Variants in NIPBL observed in about 807,000 individuals in gnomAD.
NIPBL encodes nipped-B-like protein.
In NIPBL, 19 loss-of-function variants were observed where a neutral mutation model predicts 321.8. The observed-to-expected ratio is 0.06, with a 90% CI of 0.04 to 0.09. NIPBL has a LOEUF of 0.09. Among genes scored for constraint, NIPBL ranks in the 10% least tolerant of loss-of-function variants. The pLI, the probability that NIPBL is intolerant of heterozygous loss-of-function variation, is 1.00. For missense variants in NIPBL, 2,210 were observed against 3,327.0 expected (o/e 0.66, Z 8.26); for synonymous variants, 1,106 against 1,114.1 (o/e 0.99, Z 0.14).
At chr5:36,905,856 G>T (rs958140425) in intron 1 of NIPBL, among the ~76,000 whole-genome samples, 3 of 151,808 alleles carry the variant, frequency 2.0e-5, no homozygotes, top group Non-Finnish European at 2.9e-5. Context: ...CCATTCTCCT[G>T]CCTCAGCCTC....
intron 6 of NIPBL, among the ~76,000 whole-genome samples, chr5:36,966,596 A>G (rs1482295320): frequency 1.3e-5 from 2 of 152,108 alleles, no homozygotes; most frequent in Non-Finnish European, 2.9e-5. Context: ...TCATGTAAAT[A>G]TACAATTTCC....
rs759493868 is a variant in NIPBL, at chr5:37,014,658, A to G, written c.4561-25A>G. 14 of 1,415,346 alleles carry G rather than the reference A, an allele frequency of 9.9e-6. 1 individual carries two copies. The South Asian group carries it at 1.6e-4, about 16-fold the overall frequency. 87.7% of individuals were successfully genotyped at this position (1,415,346 alleles called of 1,614,324 possible). ...CTAACTTATTATTTCTTGTATCTTTATAAACTCACTTTTTTTCATTCTAGA... is the reference window on the plus strand; with the variant it reads ...CTAACTTATTATTTCTTGTATCTTTGTAAACTCACTTTTTTTCATTCTAGA... On this transcript the variant is annotated intron_variant, in intron 21 of 46. Transcript: ENST00000282516.
intron 16 of NIPBL, 57 bp from the exon 17 acceptor site, chr5:37,006,300 A>G (rs1045705440): frequency 1.8e-5 from 17 of 930,444 alleles, no homozygotes; most frequent in African/African-American, 9.9e-5. Context: ...ATTTTAATGT[A>G]TATTTTAAAC....
chr5:36,877,468 C>G (rs1223930462), intron 1 of NIPBL, among the ~76,000 whole-genome samples: 2 of 152,142 alleles, frequency 1.3e-5, no homozygotes, highest in African/African-American at 4.8e-5. Flanking sequence ...TACTTGAGCT[C>G]GGGGATTAGG....
Position 37,010,294 on chromosome 5 carries a change from C to CT in NIPBL, c.4560+71dup, listed in dbSNP as rs1747958771. ...GGAAATACCTATATTCTCTGTCATT[C>CT]TTATAAAACTGAAGTTCTTTTTTTT... On this transcript the variant is annotated intron_variant, in intron 21 of 46. Coordinates refer to ENST00000282516, the MANE Select transcript of NIPBL (RefSeq NM_133433.4). 14 of 1,270,784 alleles carry CT rather than the reference C, an allele frequency of 1.1e-5. No homozygotes were observed. The East Asian group carries it at 3.3e-4, about 30-fold the overall frequency. 78.7% of individuals were successfully genotyped at this position (1,270,784 alleles called of 1,614,324 possible).
chr5:36,962,005 T>G (rs1235105257), intron 5 of NIPBL, 118 bp from the exon 6 acceptor site: 26 of 1,126,916 alleles, frequency 2.3e-5, no homozygotes, highest in Middle Eastern at 2.7e-4. Flanking sequence ...TTCTTCTGTT[T>G]GCATAGATTT....
intron 8 of NIPBL, among the ~76,000 whole-genome samples, chr5:36,973,380 G>T (rs1028743444): frequency 2.6e-5 from 4 of 151,204 alleles, no homozygotes; most frequent in Non-Finnish European, 5.9e-5. Flanking sequence ...TAAGTTCTGG[G>T]ATACATGTGC....
chr5:36,914,144 A>G lies in NIPBL; in HGVS notation c.-80+36966A>G, dbSNP rs182902315. ...CTGTTGGCCGTTAAATATTTCAGCCATGAAATGACACCCAGGTCATTCAGG... is the reference window on the plus strand; with the variant it reads ...CTGTTGGCCGTTAAATATTTCAGCCGTGAAATGACACCCAGGTCATTCAGG... On this transcript the variant is annotated intron_variant, in intron 1 of 46. Transcript: ENST00000282516. 5.9e-5 allele frequency among the ~76,000 whole-genome samples: 9 copies of G among 152,370 alleles called. No homozygotes were observed. The East Asian group carries it at 1.5e-3, about 26-fold the overall frequency.
chr5:36,963,932 A>G (rs1431072066), intron 6 of NIPBL, among the ~76,000 whole-genome samples: 1 of 152,234 alleles, frequency 6.6e-6, no homozygotes, highest in Non-Finnish European at 1.5e-5. Flanking sequence ...TTTTACATGT[A>G]ATGGAGGAAA....
chr5:36,892,950 AAGT>A (rs1209496786), intron 1 of NIPBL, among the ~76,000 whole-genome samples: 1 of 152,232 alleles, frequency 6.6e-6, no homozygotes, highest in African/African-American at 2.4e-5. Context: ...AATAATAAAA[AAGT>A]AGCATGGTGG....
chr5:37,017,972 TTGAAG>T (rs1051743243), intron 24 of NIPBL, among the ~76,000 whole-genome samples: 2 of 152,156 alleles, frequency 1.3e-5, no homozygotes, highest in African/African-American at 4.8e-5. Context: ...TTCGAACCAC[TTGAAG>T]TTAAGTTGCA....
intron 1 of NIPBL, among the ~76,000 whole-genome samples, chr5:36,929,251 ATGATACTGAGCACTTT>A (rs1321712958): frequency 6.6e-6 from 1 of 152,142 alleles, no homozygotes; most frequent in African/African-American, 2.4e-5. Flanking sequence ...CTAATGACTA[ATGATACTGAGCACTTT>A]TTTTTATATG....
intron 1 of NIPBL, among the ~76,000 whole-genome samples, chr5:36,905,976 C>G (rs1394431302): frequency 6.6e-6 from 1 of 152,088 alleles, no homozygotes; most frequent in Non-Finnish European, 1.5e-5. Flanking sequence ...GATCTCCTGA[C>G]CTCGTGATCC....
intron 32 of NIPBL, among the ~76,000 whole-genome samples, chr5:37,035,554 T>A (rs1221372885): frequency 6.6e-6 from 1 of 152,210 alleles, no homozygotes; most frequent in Non-Finnish European, 1.5e-5. Flanking sequence ...TAACTTAATT[T>A]CAATTTTTAT....
chr5:36,935,079 T>C (rs1750058975), intron 1 of NIPBL, among the ~76,000 whole-genome samples: 4 of 152,164 alleles, frequency 2.6e-5, no homozygotes, highest in Admixed American at 6.6e-5. Flanking sequence ...CCTTCGCTCC[T>C]CTCTGTTTTG....
At chr5:37,021,462 T>A (rs1302813239) in intron 27 of NIPBL, among the ~76,000 whole-genome samples, 1 of 151,972 alleles carries the variant, frequency 6.6e-6, no homozygotes, top group African/African-American at 2.4e-5. Flanking sequence ...GCGGGCAGAT[T>A]ACGAGGTCAG....
At chr5:36,877,380 G>A (rs1745167456) in intron 1 of NIPBL, among the ~76,000 whole-genome samples, 1 of 152,198 alleles carries the variant, frequency 6.6e-6, no homozygotes, top group Non-Finnish European at 1.5e-5. Flanking sequence ...CGGCTCCGGT[G>A]GCGGGGACTG....
chr5:36,980,708 C>T (rs764732597), intron 9 of NIPBL, among the ~76,000 whole-genome samples: 45 of 151,686 alleles, frequency 3.0e-4, no homozygotes, highest in Admixed American at 2.2e-3. Context: ...ATGATGTTCA[C>T]GTAACAGAGA....
chr5:36,985,565 A>G lies in NIPBL; in HGVS notation c.2385A>G (p.Ser795=). The G allele has an allele frequency of 6.2e-7, 1 of 1,613,938 alleles. No homozygotes were observed. The highest frequency in any genetic ancestry group is 8.5e-7 in the Non-Finnish European group (1 of 1,179,986). The change falls in exon 10 of 47, where the codon TCA becomes TCG. Residue 795 remains serine, a synonymous_variant. Coordinates refer to ENST00000282516, the MANE Select transcript of NIPBL (RefSeq NM_133433.4). The stretch of plus-strand genomic sequence containing the variant: ...AATCTGACTCACCTCGGTTAAAATC[A>G]GAACGAGCTGAAGCCTTAAAGCAGA... ...DTKSDSPRLK[S]ERAEALKQRP...
Sources: gnomAD v4.1 joint callset for allele counts (sites outside exome capture counted in the v4.1 genomes callset) on GRCh38, gnomAD v4.1.1 for gene constraint, MANE v1.5 for transcripts, NCBI Gene and HGNC (gene_info 2026-07-23, HGNC 2026-07-21) for gene names.